DENND5B: variants seen among roughly 807,000 people sequenced by gnomAD.
DENND5B encodes the protein DENN domain-containing protein 5B.
DENND5B carries 34 observed loss-of-function variants against 140.6 expected under a neutral mutation model. The observed-to-expected ratio is 0.24, with a 90% CI of 0.18 to 0.32. The LOEUF is 0.32. Among genes scored for constraint, DENND5B ranks in the 10% least tolerant of loss-of-function variants. DENND5B has a pLI of 1.00. For missense variants in DENND5B, 1,142 were observed against 1,560.2 expected, an observed-to-expected ratio of 0.73 and a Z score of 4.52; for synonymous variants, 551 against 562.1, an observed-to-expected ratio of 0.98 and a Z score of 0.28.
chr12:31,498,393 T>C (rs562758072), intron 1 of DENND5B, among the ~76,000 whole-genome samples: 1 of 152,316 alleles, frequency 6.6e-6, no homozygotes, highest in South Asian at 2.1e-4. Flanking sequence ...AATATAATTG[T>C]TCTGTTAACT....
intron 1 of DENND5B, among the ~76,000 whole-genome samples, chr12:31,536,172 G>A (rs1948487177): frequency 6.6e-6 from 1 of 152,092 alleles, no homozygotes; most frequent in Non-Finnish European, 1.5e-5. Context: ...TACCTGTACA[G>A]CCTGTGGAAA....
intron 2 of DENND5B, among the ~76,000 whole-genome samples, chr12:31,489,475 G>A (rs986875317): frequency 3.9e-5 from 6 of 152,148 alleles, no homozygotes; most frequent in South Asian, 2.1e-4. Flanking sequence ...GACTCTGTTC[G>A]AGATATCATA....
intron 2 of DENND5B, among the ~76,000 whole-genome samples, chr12:31,489,427 C>T (rs575573238): frequency 6.6e-6 from 1 of 152,210 alleles, no homozygotes; most frequent in South Asian, 2.1e-4. Flanking sequence ...GACACAGAAA[C>T]CAGCAGTTAC....
At chr12:31,519,332 T>A (rs906172036) in intron 1 of DENND5B, among the ~76,000 whole-genome samples, 2 of 152,220 alleles carry the variant, frequency 1.3e-5, no homozygotes, top group African/African-American at 2.4e-5. Context: ...TGATTTTCTA[T>A]AGGATGAACC....
intron 13 of DENND5B, among the ~76,000 whole-genome samples, chr12:31,412,218 G>A (rs1271517518): frequency 6.6e-6 from 1 of 152,196 alleles, no homozygotes; most frequent in Admixed American, 6.5e-5. Flanking sequence ...AAAGTGTTGG[G>A]ATTACAGGTG....
intron 3 of DENND5B, among the ~76,000 whole-genome samples, chr12:31,474,136 G>A (rs1222960521): frequency 1.3e-5 from 2 of 152,164 alleles, no homozygotes; most frequent in Admixed American, 6.5e-5. Flanking sequence ...ACTCAAAGAG[G>A]AATGAAACGA....
chr12:31,537,136 G>C (rs942633325), intron 1 of DENND5B, among the ~76,000 whole-genome samples: 1 of 152,058 alleles, frequency 6.6e-6, no homozygotes, highest in African/African-American at 2.4e-5. Context: ...TTATCTCAAG[G>C]TACAAAACTC....
chr12:31,537,356 C>G (rs561022944), intron 1 of DENND5B, among the ~76,000 whole-genome samples: 5 of 152,092 alleles, frequency 3.3e-5, no homozygotes, highest in Admixed American at 3.3e-4. Flanking sequence ...TATTAGTTTT[C>G]TTTTTGCTTG....
intron 1 of DENND5B, among the ~76,000 whole-genome samples, chr12:31,527,778 G>C (rs1199083339): frequency 1.3e-5 from 2 of 150,966 alleles, no homozygotes; most frequent in African/African-American, 4.9e-5. Context: ...ACTCCATTTG[G>C]GGAAAAAAAA....
rs778860846 is a variant in DENND5B at position 31,402,488 on chromosome 12, C to A, written c.2949+10G>T. Reference sequence around the variant, plus strand: ...TACATTCTTCTAGGAAAGGTATTAGCTGAACCTACCTCAAAGGTCATTTCG... The same window carrying A: ...TACATTCTTCTAGGAAAGGTATTAGATGAACCTACCTCAAAGGTCATTTCG... On this transcript the variant is annotated intron_variant, in intron 15 of 20. Transcript: ENST00000389082. The A allele has an allele frequency of 4.3e-6, 7 of 1,611,792 alleles. No individual in the cohort carries two copies. The East Asian group carries it at 1.1e-4, about 26-fold the overall frequency.
At chr12:31,567,317 C>A (rs202244922) in intron 1 of DENND5B, among the ~76,000 whole-genome samples, 28 of 142,492 alleles carry the variant, frequency 2.0e-4, no homozygotes, top group South Asian at 2.2e-4. Context: ...GACCTTGTCT[C>A]AAAAAAAAAA....
At chr12:31,388,891 A>T (rs779239617) in intron 20 of DENND5B, among the ~76,000 whole-genome samples, 1 of 152,200 alleles carries the variant, frequency 6.6e-6, no homozygotes, top group Non-Finnish European at 1.5e-5. Context: ...TTATCTAACA[A>T]CTTCCTTATT....
chr12:31,566,338 CTGTGTGTG>C (rs6144677), intron 1 of DENND5B, among the ~76,000 whole-genome samples: 2,324 of 148,586 alleles, frequency 0.016, 42 homozygotes, highest in African/African-American at 0.04. Context: ...CTCTTAAAAA[CTGTGTGTG>C]TGTGTGTGTG....
At chr12:31,548,402 G>A (rs905935110) in intron 1 of DENND5B, among the ~76,000 whole-genome samples, 62 of 92,498 alleles carry the variant, frequency 6.7e-4, no homozygotes, top group African/African-American at 2.5e-3. Context: ...AAAAAAAAAA[G>A]AAGAAGAAAA....
intron 5 of DENND5B, among the ~76,000 whole-genome samples, chr12:31,449,948 G>C (rs939110070): frequency 1.3e-5 from 2 of 151,976 alleles, no homozygotes; most frequent in African/African-American, 4.8e-5. Flanking sequence ...AGCCAGGATG[G>C]TCTCGATCTC....
At chr12:31,515,953 C>T (rs1257112306) in intron 1 of DENND5B, among the ~76,000 whole-genome samples, 1 of 152,140 alleles carries the variant, frequency 6.6e-6, no homozygotes, top group East Asian at 1.9e-4. Context: ...AATGGAGAGG[C>T]TTTAGAGCAT....
intron 2 of DENND5B, among the ~76,000 whole-genome samples, chr12:31,482,982 T>C (rs1946128259): frequency 6.6e-6 from 1 of 152,246 alleles, no homozygotes; most frequent in South Asian, 2.1e-4. Flanking sequence ...CCTCATCTTA[T>C]ACTCTCTAAC....
intron 1 of DENND5B, among the ~76,000 whole-genome samples, chr12:31,578,126 CAAAAAA>C (rs5797421): frequency 3.9e-5 from 3 of 77,354 alleles, no homozygotes; most frequent in Non-Finnish European, 7.2e-5. Context: ...GACGCTGTCT[CAAAAAA>C]AAAAAAAAAA....
intron 1 of DENND5B, among the ~76,000 whole-genome samples, chr12:31,588,616 A>G (rs143678532): frequency 6.6e-6 from 1 of 152,360 alleles, no homozygotes; most frequent in African/African-American, 2.4e-5. Flanking sequence ...GAAAATGTTC[A>G]TAGGTTATAT....
Sources: gnomAD v4.1 joint callset for allele counts (sites outside exome capture counted in the v4.1 genomes callset) on GRCh38, gnomAD v4.1.1 for gene constraint, MANE v1.5 for transcripts, NCBI Gene and HGNC (gene_info 2026-07-23, HGNC 2026-07-21) for gene names.